The following CDIN1 variants were observed in gnomAD, a reference collection of about 807,000 sequenced individuals.
CDIN1 encodes the protein CDAN1 interacting nuclease 1.
CDIN1 carries 33 observed loss-of-function variants against 45.3 expected under a neutral mutation model. The ratio of observed to expected loss-of-function variants is 0.73; its 90% CI spans 0.55 to 0.97. CDIN1 has a LOEUF of 0.97. Among genes scored for constraint, CDIN1 ranks in the 50% least tolerant of loss-of-function variants. CDIN1 has a pLI of 0.00. For missense variants in CDIN1, 303 were observed against 339.4 expected (o/e 0.89, Z 0.84); for synonymous variants, 118 against 124.4 (o/e 0.95, Z 0.34).
At chr15:36,796,163 G>A (rs1327148127) in intron 10 of CDIN1, among the ~76,000 whole-genome samples, 3 of 152,146 alleles carry the variant, frequency 2.0e-5, no homozygotes, top group Admixed American at 2.0e-4. Flanking sequence ...GGATTTAGTG[G>A]AGAAGAGTTC....
At chr15:36,661,028 G>A (rs1241458919) in intron 5 of CDIN1, among the ~76,000 whole-genome samples, 2 of 152,110 alleles carry the variant, frequency 1.3e-5, no homozygotes, top group African/African-American at 4.8e-5. Flanking sequence ...CTGTGGCCTC[G>A]GAATCACCCA....
intron 3 of CDIN1, among the ~76,000 whole-genome samples, chr15:36,647,094 A>T (rs2040364700): frequency 6.9e-6 from 1 of 144,424 alleles, no homozygotes; most frequent in African/African-American, 2.6e-5. Flanking sequence ...CACGATCATA[A>T]CTCACTGCAG....
chr15:36,779,236 A>G (rs928686497), intron 10 of CDIN1, among the ~76,000 whole-genome samples: 4 of 152,198 alleles, frequency 2.6e-5, no homozygotes, highest in African/African-American at 9.6e-5. Flanking sequence ...TCTATTCGCT[A>G]TATAATTTTT....
Position 36,646,215 on chromosome 15 carries a change from A to G in CDIN1, c.212+928A>G, listed in dbSNP as rs2040321944. On this transcript the variant is annotated intron_variant, in intron 3 of 10. Transcript: ENST00000566621. ...AATGATTTTTATGCATAAAAATTTT[A>G]TGAATGAAATAAATATGTGGATAAA... 2.0e-5 allele frequency among the ~76,000 whole-genome samples: 3 copies of G among 152,222 alleles called. No homozygotes were observed. In the South Asian group the frequency reaches 6.2e-4, roughly 32 times the overall value.
Position 36,743,854 on chromosome 15 carries a change from A to C in CDIN1, c.716+33893A>C, listed in dbSNP as rs192790809. Among the ~76,000 whole-genome samples the C allele has an allele frequency of 6.6e-5, 10 of 151,978 alleles. No homozygotes were observed. In the East Asian group the frequency reaches 1.9e-3, roughly 29 times the overall value. On this transcript the variant is annotated intron_variant, in intron 10 of 10. Transcript: ENST00000566621. ...CAGTAAATCATGATCATGCCACTGC[A>C]CTCCAGCCTGGGCAACAGAGGGAGA...
intron 10 of CDIN1, among the ~76,000 whole-genome samples, chr15:36,804,293 C>T (rs2055149810): frequency 6.6e-6 from 1 of 152,108 alleles, no homozygotes; most frequent in Admixed American, 6.6e-5. Context: ...TGTAAGTATG[C>T]CACTAGTGTG....
chr15:36,773,053 C>T (rs1472293763), intron 10 of CDIN1, among the ~76,000 whole-genome samples: 1 of 151,750 alleles, frequency 6.6e-6, no homozygotes, highest in East Asian at 1.9e-4. Context: ...GCCCCTCATT[C>T]TTCATCCTGT....
intron 10 of CDIN1, among the ~76,000 whole-genome samples, chr15:36,712,781 A>G (rs1288066964): frequency 6.6e-6 from 1 of 152,158 alleles, no homozygotes; most frequent in Non-Finnish European, 1.5e-5. Flanking sequence ...CTACAAGCAC[A>G]TCTCCATCCC....
intron 1 of CDIN1, among the ~76,000 whole-genome samples, chr15:36,639,212 C>T (rs2140382186): frequency 6.6e-6 from 1 of 152,218 alleles, no homozygotes; most frequent in Non-Finnish European, 1.5e-5. Flanking sequence ...CCTCTGTATC[C>T]ATGGGTTCCA....
chr15:36,695,050 T>C (rs896667976), intron 7 of CDIN1, among the ~76,000 whole-genome samples: 2 of 152,206 alleles, frequency 1.3e-5, no homozygotes, highest in African/African-American at 4.8e-5. Context: ...AGCACAGCCA[T>C]GTGCCTTGGA....
At chr15:36,763,288 C>T (rs2053824447) in intron 10 of CDIN1, among the ~76,000 whole-genome samples, 1 of 152,074 alleles carries the variant, frequency 6.6e-6, no homozygotes, top group African/African-American at 2.4e-5. Context: ...GCATAAATGT[C>T]TTCTTTTGAG....
intron 5 of CDIN1, among the ~76,000 whole-genome samples, chr15:36,659,966 CTTTTTTTTTT>C (rs778988517): frequency 9.5e-6 from 1 of 105,150 alleles, no homozygotes; most frequent in Non-Finnish European, 1.8e-5. Context: ...CCTTCCTTTT[CTTTTTTTTTT>C]TTTTTTTTCT....
intron 5 of CDIN1, among the ~76,000 whole-genome samples, chr15:36,662,462 GATGGT>G (rs2041053055): frequency 7.0e-6 from 1 of 143,730 alleles, no homozygotes. Context: ...GCCATCAAAA[GATGGT>G]ACAATCATCT....
At chr15:36,598,439 A>G (rs1275706665) in intron 1 of CDIN1, among the ~76,000 whole-genome samples, 4 of 152,238 alleles carry the variant, frequency 2.6e-5, no homozygotes, top group African/African-American at 7.2e-5. Context: ...TCGTTCTCCC[A>G]GACATGATCA....
At chr15:36,684,470 G>A (rs1215994208) in intron 5 of CDIN1, among the ~76,000 whole-genome samples, 4 of 152,050 alleles carry the variant, frequency 2.6e-5, no homozygotes, top group Admixed American at 6.6e-5. Context: ...TGCTGGATTC[G>A]TTTTGCCAGT....
intron 1 of CDIN1, among the ~76,000 whole-genome samples, chr15:36,636,457 CAGG>C (rs554853507): frequency 3.0e-4 from 46 of 152,096 alleles, no homozygotes; most frequent in Non-Finnish European, 6.2e-4. Context: ...GAGGCTGAGG[CAGG>C]AGAATGTCAT....
At chr15:36,805,308 T>C (rs1282878898) in intron 10 of CDIN1, among the ~76,000 whole-genome samples, 1 of 152,184 alleles carries the variant, frequency 6.6e-6, no homozygotes, top group Non-Finnish European at 1.5e-5. Flanking sequence ...CACCCATTCC[T>C]GAGGGTCTCC....
intron 8 of CDIN1, among the ~76,000 whole-genome samples, chr15:36,697,898 T>C (rs1018881558): frequency 2.0e-5 from 3 of 152,174 alleles, no homozygotes; most frequent in Admixed American, 2.0e-4. Context: ...TTCATGTGTT[T>C]GTGTATTACA....
intron 5 of CDIN1, among the ~76,000 whole-genome samples, chr15:36,673,010 A>T (rs1304715260): frequency 6.6e-6 from 1 of 152,088 alleles, no homozygotes; most frequent in Non-Finnish European, 1.5e-5. Context: ...AGGCATTAGA[A>T]GGTCCCGGCT....
Sources: allele counts gnomAD v4.1 joint callset (sites outside exome capture counted in the v4.1 genomes callset), GRCh38; gene constraint gnomAD v4.1.1; transcripts MANE v1.5; gene names NCBI Gene and HGNC (gene_info 2026-07-23, HGNC 2026-07-21).